WDPCP: variants seen among roughly 807,000 people sequenced by gnomAD.
WDPCP encodes the protein WD repeat-containing and planar cell polarity effector protein fritz homolog.
A neutral mutation model predicts 93.1 loss-of-function variants in WDPCP; 71 were observed. That is an observed-to-expected ratio of 0.76 (90% CI 0.63 to 0.93). WDPCP has a LOEUF of 0.93. Ranked by LOEUF, WDPCP falls within the 40% of genes least tolerant of loss-of-function variation. WDPCP has a pLI of 0.00. For missense variants in WDPCP, 844 were observed against 887.4 expected (o/e 0.95, Z 0.62); for synonymous variants, 315 against 315.0 (o/e 1.00, Z 0.00).
At chr2:63,525,189 A>G (rs966771900) in intron 1 of WDPCP, among the ~76,000 whole-genome samples, 2 of 152,228 alleles carry the variant, frequency 1.3e-5, no homozygotes, top group Non-Finnish European at 2.9e-5. Flanking sequence ...AGTGAGAGCT[A>G]AACATTGAGT....
intron 12 of WDPCP, among the ~76,000 whole-genome samples, chr2:63,333,777 GT>G (rs1688155022): frequency 6.6e-6 from 1 of 152,148 alleles, no homozygotes; most frequent in African/African-American, 2.4e-5. Flanking sequence ...TTGGGCACAT[GT>G]CCTCAGGACC....
At chr2:63,772,134 T>C (rs749226685) in intron 2 of WDPCP, among the ~76,000 whole-genome samples, 3 of 152,110 alleles carry the variant, frequency 2.0e-5, no homozygotes, top group African/African-American at 4.8e-5. Flanking sequence ...CTTTCCACAG[T>C]GGCTGAACTA....
chr2:63,338,063 T>C (rs980567629), intron 12 of WDPCP, among the ~76,000 whole-genome samples: 1 of 152,184 alleles, frequency 6.6e-6, no homozygotes, highest in African/African-American at 2.4e-5. Context: ...TTACACAAAA[T>C]GTCTTCTCAA....
intron 2 of WDPCP, among the ~76,000 whole-genome samples, chr2:63,691,538 G>A (rs1420014017): frequency 6.6e-6 from 1 of 152,126 alleles, no homozygotes; most frequent in East Asian, 1.9e-4. Context: ...GGGAGACTGA[G>A]GTGAAAGAAT....
intron 10 of WDPCP, among the ~76,000 whole-genome samples, chr2:63,397,725 G>A (rs1344789412): frequency 6.6e-6 from 1 of 152,164 alleles, no homozygotes; most frequent in Non-Finnish European, 1.5e-5. Flanking sequence ...TATTTATCAA[G>A]TAGGAAGTGA....
intron 14 of WDPCP, among the ~76,000 whole-genome samples, chr2:63,211,486 T>C (rs188578107): frequency 6.6e-6 from 1 of 152,046 alleles, no homozygotes; most frequent in Admixed American, 6.5e-5. Context: ...ATACCAAAGG[T>C]AGATAAAACC....
intron 2 of WDPCP, among the ~76,000 whole-genome samples, chr2:63,751,095 T>G (rs1014915229): frequency 6.6e-6 from 1 of 152,188 alleles, no homozygotes; most frequent in Admixed American, 6.5e-5. Context: ...TGAATCTAGA[T>G]TTACACTGTG....
intron 1 of WDPCP, among the ~76,000 whole-genome samples, chr2:63,819,043 CTT>C (rs1371312762): frequency 7.2e-5 from 11 of 152,224 alleles, no homozygotes; most frequent in South Asian, 2.1e-4. Flanking sequence ...TATATGCACT[CTT>C]ATATATGTTT....
chr2:63,251,510 G>C (rs1481453268), intron 14 of WDPCP, among the ~76,000 whole-genome samples: 1 of 22,406 alleles, frequency 4.5e-5, no homozygotes, highest in Admixed American at 4.6e-4. Context: ...TTTTTTTTTT[G>C]AGACAGAGTC....
At chr2:63,401,450 A>C (rs1694146215) in intron 10 of WDPCP, among the ~76,000 whole-genome samples, 1 of 152,206 alleles carries the variant, frequency 6.6e-6, no homozygotes, top group African/African-American at 2.4e-5. Flanking sequence ...AATGAGATAC[A>C]TCTCACATCA....
chr2:63,737,208 C>G lies in WDPCP; in HGVS notation n.308+76414G>C, dbSNP rs116690131. Among the ~76,000 whole-genome samples, 379 of 152,290 alleles carry G rather than the reference C, an allele frequency of 2.5e-3. 2 individuals carry two copies. Among genetic ancestry groups the G allele is most frequent in the African/African-American group, 8.7e-3 (361 of 41,566 alleles). On this transcript the variant is annotated intron_variant and non_coding_transcript_variant, in intron 2 of 4. Transcript: ENST00000467687. ...ACCAAAAGCACTACCACCACTGTTG[C>G]AGTTGCTGATGTGTGCAAGCAGGCC...
chr2:63,641,276 A>G (rs1426298639), intron 3 of WDPCP, among the ~76,000 whole-genome samples: 1 of 152,204 alleles, frequency 6.6e-6, no homozygotes, highest in South Asian at 2.1e-4. Flanking sequence ...GCTACAATAA[A>G]CATGAGAGTG....
intron 3 of WDPCP, among the ~76,000 whole-genome samples, chr2:63,626,180 A>T (rs1709808246): frequency 6.6e-6 from 1 of 152,240 alleles, no homozygotes; most frequent in Non-Finnish European, 1.5e-5. Flanking sequence ...CTTATACAAA[A>T]ATTAACTCAA....
intron 17 of WDPCP, among the ~76,000 whole-genome samples, chr2:63,127,015 A>T (rs963045581): frequency 3.9e-4 from 59 of 151,954 alleles, no homozygotes; most frequent in Non-Finnish European, 1.5e-5. Context: ...CTGTGTATAT[A>T]ATTTATTTTA....
At chr2:63,389,658 C>T (rs59973565) in intron 10 of WDPCP, among the ~76,000 whole-genome samples, 2,352 of 152,104 alleles carry the variant, frequency 0.015, 62 homozygotes, top group African/African-American at 0.054. Context: ...ACCCATCTCA[C>T]GTGCAGAGAC....
At chr2:63,480,589 A>G (rs1700211751) in intron 6 of WDPCP, among the ~76,000 whole-genome samples, 1 of 152,186 alleles carries the variant, frequency 6.6e-6, no homozygotes, top group African/African-American at 2.4e-5. Flanking sequence ...CCAAATACTT[A>G]CAGCCAACTG....
chr2:63,131,499 A>G (rs1188630926), intron 17 of WDPCP, among the ~76,000 whole-genome samples: 1 of 151,752 alleles, frequency 6.6e-6, no homozygotes. Flanking sequence ...TATTGTTAAA[A>G]CTTACATTTA....
At chr2:63,575,469 A>AGTATATATACT (rs1707976458) in intron 1 of WDPCP, among the ~76,000 whole-genome samples, 1 of 16,314 alleles carries the variant, frequency 6.1e-5, no homozygotes, top group Non-Finnish European at 1.2e-4. Context: ...GTATATATGC[A>AGTATATATACT]GTATATACAG....
chr2:63,760,030 G>C (rs1670032568), intron 2 of WDPCP, among the ~76,000 whole-genome samples: 1 of 152,228 alleles, frequency 6.6e-6, no homozygotes. Flanking sequence ...TCAGGGAATA[G>C]GGGAGTGGGC....
Sources: allele counts gnomAD v4.1 joint callset (sites outside exome capture counted in the v4.1 genomes callset), GRCh38; gene constraint gnomAD v4.1.1; transcripts MANE v1.5; gene names NCBI Gene and HGNC (gene_info 2026-07-23, HGNC 2026-07-21).